Variants in MIPOL1 observed in about 807,000 individuals in gnomAD.
The protein encoded by MIPOL1 is mirror-image polydactyly gene 1 protein.
A neutral mutation model predicts 60.9 loss-of-function variants in MIPOL1; 57 were observed. The ratio of observed to expected loss-of-function variants is 0.94; its 90% CI spans 0.76 to 1.17. The LOEUF (loss-of-function observed/expected upper bound fraction) is 1.17. Ranked by LOEUF, MIPOL1 falls within the 50% of genes most tolerant of loss-of-function variation. The pLI is 0.00. For synonymous variants in MIPOL1, 179 were observed against 168.8 expected, an observed-to-expected ratio of 1.06 and a Z score of -0.47; for missense variants, 551 against 511.6, an observed-to-expected ratio of 1.08 and a Z score of -0.74.
intron 11 of MIPOL1, among the ~76,000 whole-genome samples, chr14:37,464,252 T>C (rs2094572536): frequency 2.9e-4 from 1 of 3,498 alleles, no homozygotes; most frequent in Non-Finnish European, 0.019. Context: ...ATTCCACTAC[T>C]GGATAATCTA....
At chr14:37,543,988 A>G (rs1337604587) in intron 12 of MIPOL1, among the ~76,000 whole-genome samples, 1 of 152,356 alleles carries the variant, frequency 6.6e-6, no homozygotes, top group Non-Finnish European at 1.5e-5. Flanking sequence ...ATACTGAAAC[A>G]TGCATAAGAA....
rs143057086 is a variant in MIPOL1, at chr14:37,362,751, A to C, written c.829-6766A>C. 9.9e-3 allele frequency among the ~76,000 whole-genome samples: 1,509 copies of C among 152,148 alleles called. 16 individuals carry two copies. The highest frequency in any genetic ancestry group is 0.011 in the Non-Finnish European group (719 of 67,992). On this transcript the variant is annotated intron_variant, in intron 9 of 12. Coordinates refer to ENST00000684589, the MANE Select transcript of MIPOL1 (RefSeq NM_001388067.1). The stretch of plus-strand genomic sequence containing the variant: ...CCGTCACTTTCCGGTACACCAATCA[A>C]ATGTAGATTTGGTCTTTTCACATGG...
chr14:37,400,762 A>G (rs988670777), intron 10 of MIPOL1: 10 of 152,172 alleles, frequency 6.6e-5, no homozygotes, highest in Non-Finnish European at 4.4e-5. Context: ...GAAAGTTGCC[A>G]ATCTACCTAA....
chr14:37,319,214 A>G (rs2088282301), intron 9 of MIPOL1, among the ~76,000 whole-genome samples: 1 of 152,146 alleles, frequency 6.6e-6, no homozygotes, highest in Non-Finnish European at 1.5e-5. Context: ...GAATGGGAAC[A>G]TTTTTGTAAC....
intron 6 of MIPOL1, among the ~76,000 whole-genome samples, chr14:37,282,997 T>C (rs568613496): frequency 6.6e-6 from 1 of 152,284 alleles, no homozygotes; most frequent in East Asian, 1.9e-4. Flanking sequence ...AAAAAGGAAC[T>C]ACAGATAAAA....
At chr14:37,256,204 A>G (rs1974894909) in intron 3 of MIPOL1, among the ~76,000 whole-genome samples, 1 of 151,872 alleles carries the variant, frequency 6.6e-6, no homozygotes, top group African/African-American at 2.4e-5. Flanking sequence ...AGAAAATTCA[A>G]AATTTTCAGA....
chr14:37,467,549 C>T (rs931294155), intron 11 of MIPOL1, among the ~76,000 whole-genome samples: 3 of 152,026 alleles, frequency 2.0e-5, no homozygotes, highest in African/African-American at 7.2e-5. Context: ...GAAATGTAAA[C>T]GGAAGTAGAA....
chr14:37,322,630 C>T (rs1481277777), intron 9 of MIPOL1, among the ~76,000 whole-genome samples: 1 of 151,828 alleles, frequency 6.6e-6, no homozygotes, highest in African/African-American at 2.4e-5. Context: ...ACATCCTCTC[C>T]AGCATCTGTT....
At chr14:37,350,853 T>C (rs184107117) in intron 9 of MIPOL1, among the ~76,000 whole-genome samples, 5 of 152,262 alleles carry the variant, frequency 3.3e-5, no homozygotes, top group Admixed American at 3.3e-4. Context: ...GCTTGGATTG[T>C]TTCAGTTAAC....
At position 37,354,947 on chromosome 14, in the gene MIPOL1, A is replaced by G. The variant is rs867308622; in HGVS notation, c.829-14570A>G. ...TGTTATGTGTGAATTTCATCCTGTC[A>G]TTATGATGTTAGCTGGTTATTTTGC... On this transcript the variant is annotated intron_variant, in intron 9 of 12. Coordinates refer to ENST00000684589, the MANE Select transcript of MIPOL1 (RefSeq NM_001388067.1). Among the ~76,000 whole-genome samples the G allele has an allele frequency of 5.3e-3, 237 of 44,440 alleles. 40 individuals are homozygous for G. The highest frequency in any genetic ancestry group is 0.017 in the African/African-American group (225 of 13,464). 29.2% of individuals were successfully genotyped at this position (44,440 alleles called of 152,430 possible).
At chr14:37,466,101 A>T (rs2094595364) in intron 11 of MIPOL1, among the ~76,000 whole-genome samples, 1 of 152,190 alleles carries the variant, frequency 6.6e-6, no homozygotes. Context: ...ATTTTTCCAG[A>T]GTGTCTTGCA....
chr14:37,251,477 T>TA (rs202189319), intron 3 of MIPOL1, among the ~76,000 whole-genome samples: 3,989 of 152,162 alleles, frequency 0.026, 81 homozygotes, highest in Non-Finnish European at 0.037. Context: ...AAAAATGTGT[T>TA]ACCATCTTCA....
intron 11 of MIPOL1, among the ~76,000 whole-genome samples, chr14:37,467,609 T>A (rs1206063776): frequency 6.6e-6 from 1 of 152,188 alleles, no homozygotes; most frequent in African/African-American, 2.4e-5. Flanking sequence ...TGGGATCTGC[T>A]ATGCAATAGC....
At chr14:37,234,225 A>C (rs1368171797) in intron 1 of MIPOL1, among the ~76,000 whole-genome samples, 2 of 151,818 alleles carry the variant, frequency 1.3e-5, no homozygotes, top group African/African-American at 4.8e-5. Flanking sequence ...TTCTGCTGTT[A>C]ATCATTGGTC....
intron 6 of MIPOL1, among the ~76,000 whole-genome samples, chr14:37,273,089 A>G (rs1208119946): frequency 6.6e-6 from 1 of 151,324 alleles, no homozygotes; most frequent in Non-Finnish European, 1.5e-5. Flanking sequence ...GAATTATTAA[A>G]TAAGTTATGA....
intron 10 of MIPOL1, among the ~76,000 whole-genome samples, chr14:37,417,487 G>T (rs1380776314): frequency 6.6e-6 from 1 of 152,100 alleles, no homozygotes; most frequent in African/African-American, 2.4e-5. Flanking sequence ...ATACACAATG[G>T]TAAGCAATCC....
At chr14:37,245,327 A>G (rs968218411) in intron 1 of MIPOL1, among the ~76,000 whole-genome samples, 1 of 152,174 alleles carries the variant, frequency 6.6e-6, no homozygotes, top group South Asian at 2.1e-4. Context: ...TGGTACTTAA[A>G]GAAGAAAGAT....
intron 7 of MIPOL1, among the ~76,000 whole-genome samples, chr14:37,292,783 A>G (rs1407394491): frequency 6.6e-6 from 1 of 152,198 alleles, no homozygotes; most frequent in East Asian, 1.9e-4. Context: ...GCCCAGCCTA[A>G]TAAACATTTA....
chr14:37,299,239 T>C (rs112643636), intron 7 of MIPOL1, among the ~76,000 whole-genome samples: 1,861 of 151,312 alleles, frequency 0.012, 14 homozygotes, highest in Middle Eastern at 0.031. Flanking sequence ...TAGGTGAGAA[T>C]TGAACAATGA....
Sources: gnomAD v4.1 joint callset for allele counts (sites outside exome capture counted in the v4.1 genomes callset) on GRCh38, gnomAD v4.1.1 for gene constraint, MANE v1.5 for transcripts, NCBI Gene and HGNC (gene_info 2026-07-23, HGNC 2026-07-21) for gene names.